The following SPHK2 variants were observed in gnomAD, a reference collection of about 807,000 sequenced individuals.
SPHK2 encodes the protein sphingosine kinase 2.
In SPHK2, 18 loss-of-function variants were observed where a neutral mutation model predicts 32.3. The observed-to-expected ratio is 0.56, with a 90% confidence interval of 0.39 to 0.83. The LOEUF (loss-of-function observed/expected upper bound fraction) is 0.83, where lower values mean the gene tolerates loss of function less well. Ranked by LOEUF, SPHK2 falls within the 40% of genes least tolerant of loss-of-function variation. SPHK2 has a pLI of 0.00. For synonymous variants in SPHK2, 462 were observed against 417.6 expected, an observed-to-expected ratio of 1.11 and a Z score of -1.30; for missense variants, 850 against 908.7, an observed-to-expected ratio of 0.94 and a Z score of 0.83.
rs747199390 is a variant in SPHK2, at chr19:48,627,758, G to A, written c.578G>A (p.Arg193Gln). ...LLLLVNPFGG[R>Q]GLAWQWCKNH... ...CTATTGGTCAATCCCTTTGGGGGTC[G>A]GGGCCTGGCCTGGCAGTGGTGTAAG... is the stretch of plus-strand genomic sequence containing the variant. Residue 193 changes from arginine to glutamine, a missense_variant, in exon 4 of 7, where the codon CGG becomes CAG. This residue lies in a region of SPHK2 where 544 missense variants were observed against 640.0 expected (regional missense o/e 0.85). Coordinates refer to ENST00000245222, the MANE Select transcript of SPHK2 (RefSeq NM_020126.5). 5.3e-5 allele frequency: 86 copies of A among 1,613,762 alleles called. No individual in the cohort carries two copies. The highest frequency in any genetic ancestry group is 6.9e-5 in the Non-Finnish European group (81 of 1,179,848).
At position 48,630,063 on chromosome 19, in the gene SPHK2, C is replaced by G. The variant is rs745372750; in HGVS notation, c.*290C>G. 6.6e-4 allele frequency: 852 copies of G among 1,288,060 alleles called. No homozygotes were observed. The highest frequency in any genetic ancestry group is 8.1e-4 in the Non-Finnish European group (826 of 1,018,452). The allele number at this position is 1,288,060 out of a possible 1,614,324, so 79.8% of individuals were successfully genotyped here. On this transcript the variant is annotated 3_prime_UTR_variant, in exon 7 of 7. Coordinates refer to ENST00000245222, the MANE Select transcript of SPHK2 (RefSeq NM_020126.5). This position sits in a 1 kb window ranked among gnomAD's most constrained non-coding sequence, Gnocchi z 4.9. Reference sequence around the variant, plus strand: ...CAGGGCTCAGTCCTGACGCTTGCCACCTGCTCCTACCCGGCCAGGATGGCT... The same window carrying G: ...CAGGGCTCAGTCCTGACGCTTGCCAGCTGCTCCTACCCGGCCAGGATGGCT...
chr19:48,626,883 C>T (rs2029956958), intron 3 of SPHK2: 1 of 150,106 alleles, frequency 6.7e-6, no homozygotes, highest in Non-Finnish European at 1.5e-5. Context: ...CCTATAATCC[C>T]AGCACTTTGG....
Position 48,629,558 on chromosome 19 carries a change from T to G in SPHK2, c.1750T>G (p.Phe584Val). 3.1e-6 allele frequency: 5 copies of G among 1,602,586 alleles called. No individual in the cohort carries two copies. The highest frequency in any genetic ancestry group is 4.3e-6 in the Non-Finnish European group (5 of 1,175,346). Residue 584 changes from phenylalanine (F) to valine (V), a missense_variant, in exon 7 of 7, where the codon TTC becomes GTC. Coordinates refer to ENST00000245222, the MANE Select transcript of SPHK2 (RefSeq NM_020126.5). ...CTCGCGGGCTGCGCTGCTGCGCCTT[T>G]TCTTGGCCATGGAGCGTGGTAGCCA... ...GISRAALLRL[F>V]LAMERGSHFS...
rs75629654 is a variant in SPHK2 at position 48,629,389 on chromosome 19, G to A, written c.1581G>A (p.Leu527=). 14,575 of 1,611,806 alleles carry A rather than the reference G, an allele frequency of 9.0e-3. 1,154 individuals carry two copies. The African/African-American group carries it at 0.17, about 19-fold the overall frequency. The change falls in exon 7 of 7, where the codon CTG becomes CTA. Residue 527 remains leucine, a synonymous_variant. Transcript: ENST00000245222. ...TGCTGCCTCCGCTGGGCACCCCGCT[G>A]CCCCCAGACTGGGTGACGCTGGAGG... ...DHLLPPLGTP[L]PPDWVTLEGD...
chr19:48,627,116 A>G (rs2029981725), intron 3 of SPHK2, among the ~76,000 whole-genome samples: 1 of 152,238 alleles, frequency 6.6e-6, no homozygotes, highest in African/African-American at 2.4e-5. Flanking sequence ...CCTGGGCGAC[A>G]AGACCGATAC....
At chr19:48,624,822 G>T (rs1568430211) in intron 2 of SPHK2, 1 of 860,240 alleles carries the variant, frequency 1.2e-6, no homozygotes, top group South Asian at 5.3e-5. Context: ...CGAGAGAGCC[G>T]CTGGGGATAG....
rs778328012 is a variant in SPHK2 at position 48,628,037 on chromosome 19, G to C, written c.724G>C (p.Val242Leu). 3 of 1,595,678 alleles carry C rather than the reference G, an allele frequency of 1.9e-6. No individual in the cohort carries two copies. Among genetic ancestry groups the C allele is most frequent in the Admixed American group, 1.7e-5 (1 of 58,514 alleles). ...GLSLSEWDGI[V>L]TVSGDGLLHE... ...GAGCCTGAGTGAGTGGGATGGCATC[G>C]TCACGGTCTCGGGAGACGGGCTGCT... Residue 242 changes from valine to leucine, a missense_variant, in exon 5 of 7, where the codon GTC becomes CTC. Val to Leu is a conservative substitution (Grantham distance 32). This residue lies in a region of SPHK2 where 544 missense variants were observed against 640.0 expected (regional missense o/e 0.85). Transcript: ENST00000245222. The surrounding 1 kb of genome is among the most constrained non-coding windows in gnomAD (Gnocchi z 5.2).
Position 48,625,929 on chromosome 19 carries a change from G to C in SPHK2, c.78G>C (p.Gly26=), listed in dbSNP as rs377638271. 1.2e-6 allele frequency: 2 copies of C among 1,611,980 alleles called. No homozygotes were observed. Among genetic ancestry groups the C allele is most frequent in the Admixed American group, 3.3e-5 (2 of 59,942 alleles). The change falls in exon 3 of 7, where the codon GGG becomes GGC. Residue 26 remains glycine (G), a synonymous_variant. Coordinates refer to ENST00000245222, the MANE Select transcript of SPHK2 (RefSeq NM_020126.5). ...DQELTGSWGH[G]PRSTLVRAKA... is the part of the protein sequence containing the mutation. ...AGCTGACCGGGAGCTGGGGCCACGG[G>C]CCTAGGAGCACCCTGGTCAGGGCTA...
At chr19:48,620,676 C>A (rs531960403) in intron 2 of SPHK2, 123 bp downstream of exon 2, 32 of 842,700 alleles carry the variant, frequency 3.8e-5, no homozygotes, top group Non-Finnish European at 3.6e-6. Context: ...GTAATCCCAG[C>A]ACTCTGGGAG....
chr19:48,625,666 A>G, intron 2 of SPHK2: 1 of 1,533,246 alleles, frequency 6.5e-7, no homozygotes. Context: ...TGGGGAATAA[A>G]TGATTGGATG....
intron 2 of SPHK2, chr19:48,624,805 C>A: frequency 1.4e-6 from 1 of 737,626 alleles, no homozygotes; most frequent in Non-Finnish European, 1.6e-6. Flanking sequence ...AGCAGACGTC[C>A]TGGACCCGAG....
At chr19:48,619,571 T>G (rs996199313) in intron 1 of SPHK2, 28 bp downstream of exon 1, 5 of 202,370 alleles carry the variant, frequency 2.5e-5, no homozygotes, top group Non-Finnish European at 5.1e-5. Flanking sequence ...GCAGGGCTAG[T>G]CGGGGCATCT....
intron 3 of SPHK2, 87 bp from the exon 4 acceptor site, chr19:48,627,605 A>C: frequency 6.8e-7 from 1 of 1,464,652 alleles, no homozygotes; most frequent in South Asian, 1.4e-5. Context: ...GCCCTCCACC[A>C]ATTCCGTTGG....
Position 48,629,644 on chromosome 19 carries a change from G to A in SPHK2, c.1836G>A (p.Pro612=), listed in dbSNP as rs2030397005. Residue 612 remains proline, a synonymous_variant, in exon 7 of 7, where the codon CCG becomes CCA. Coordinates refer to ENST00000245222, the MANE Select transcript of SPHK2 (RefSeq NM_020126.5). ...CGGCCCGTGCCTTCCGCCTAGAGCC[G>A]CTCACACCACGCGGCGTGCTCACAG... The part of the protein sequence containing the change: ...YAAARAFRLE[P]LTPRGVLTVD... The A allele has an allele frequency of 3.7e-6, 6 of 1,602,606 alleles. No homozygotes were observed. The African/African-American group carries it at 6.7e-5, about 18-fold the overall frequency.
rs752966284 is a variant in SPHK2, at chr19:48,628,101, G to A, written c.756+32G>A. Reference sequence around the variant, plus strand: ...CAGGAGCACCCTGCCCCTAGCCCTGGGCCCTGGGGGACTATAGAGACTGCC... The same window carrying A: ...CAGGAGCACCCTGCCCCTAGCCCTGAGCCCTGGGGGACTATAGAGACTGCC... On this transcript the variant is annotated intron_variant, in intron 5 of 6. Transcript: ENST00000245222. The surrounding 1 kb of genome is among the most constrained non-coding windows in gnomAD (Gnocchi z 5.2). The A allele has an allele frequency of 6.3e-7, 1 of 1,580,418 alleles. No individual in the cohort carries two copies. The highest frequency in any genetic ancestry group is 8.6e-7 in the Non-Finnish European group (1 of 1,159,556).
In SPHK2 at chr19:48,629,936, G is replaced by A; in HGVS notation, c.*163G>A. The A allele has an allele frequency of 7.0e-7, 1 of 1,419,264 alleles. No homozygotes were observed. Among genetic ancestry groups the A allele is most frequent in the Non-Finnish European group, 9.2e-7 (1 of 1,090,184 alleles). The allele number at this position is 1,419,264 out of a possible 1,614,324, so 87.9% of individuals were successfully genotyped here. On this transcript the variant is annotated 3_prime_UTR_variant, in exon 7 of 7. Transcript: ENST00000245222. ...ATGGGACCAGACGTGATGCTGGAAG[G>A]TGGGCGTCGTCACGGTTAAAGAGAA...
intron 2 of SPHK2, chr19:48,625,390 A>G (rs1974565330): frequency 2.4e-5 from 28 of 1,173,678 alleles, no homozygotes; most frequent in Non-Finnish European, 3.0e-5. Flanking sequence ...TACCCACTGC[A>G]CCGTATGGGG....
chr19:48,629,486 C>G lies in SPHK2; in HGVS notation c.1678C>G (p.Arg560Gly). The change falls in exon 7 of 7, where the codon CGC becomes GGC. Residue 560 changes from arginine (R) to glycine (G), a missense_variant. Around this residue, in one of 2 missense-constraint regions of SPHK2, gnomAD observed 306 missense variants for 268.6 expected, o/e 1.14. Transcript: ENST00000245222. Reference sequence around the variant, plus strand: ...TGACCTGGTGGCAGCTCCGCATGCGCGCTTCGACGACGGCCTGGTGCACCT... The same window carrying G: ...TGACCTGGTGGCAGCTCCGCATGCGGGCTTCGACGACGGCCTGGTGCACCT... ...GADLVAAPHA[R>G]FDDGLVHLCW... 6.2e-7 allele frequency: 1 copy of G among 1,607,602 alleles called. No individual in the cohort carries two copies. Among genetic ancestry groups the G allele is most frequent in the South Asian group, 1.1e-5 (1 of 90,590 alleles).
At position 48,625,885 on chromosome 19, in the gene SPHK2, CCA is replaced by C; in HGVS notation, c.40-3_40-2del. The C allele has an allele frequency of 6.2e-7, 1 of 1,611,088 alleles. No homozygotes were observed. Among genetic ancestry groups the C allele is most frequent in the Non-Finnish European group, 8.5e-7 (1 of 1,179,678 alleles). On this transcript the variant is annotated splice_polypyrimidine_tract_variant and splice_region_variant and intron_variant, in intron 2 of 6. Coordinates refer to ENST00000245222, the MANE Select transcript of SPHK2 (RefSeq NM_020126.5). ...TTCTCACCCCTTCTCTCCTCCCTTC[CCA>C]CAGAGGCCAGACCAGGAGCTGACCG...
Sources: allele counts gnomAD v4.1 joint callset (sites outside exome capture counted in the v4.1 genomes callset), GRCh38; gene constraint gnomAD v4.1.1; regional missense constraint gnomAD v4.1.1; non-coding constraint Gnocchi (gnomAD v3.1); transcripts MANE v1.5; gene names NCBI Gene and HGNC (gene_info 2026-07-23, HGNC 2026-07-21).